The following DENND1A variants were observed in gnomAD, a reference collection of about 807,000 sequenced individuals.
DENND1A encodes the protein DENN domain containing 1A, also known as DENN domain-containing protein 1A.
A neutral mutation model predicts 113.7 loss-of-function variants in DENND1A; 51 were observed. The observed-to-expected ratio is 0.45, with a 90% CI of 0.36 to 0.57. The LOEUF (loss-of-function observed/expected upper bound fraction) is 0.57, where lower values mean the gene tolerates loss of function less well. Among genes scored for constraint, DENND1A ranks in the 20% least tolerant of loss-of-function variants. DENND1A has a pLI of 0.00. For synonymous variants in DENND1A, 565 were observed against 570.8 expected, an observed-to-expected ratio of 0.99 and a Z score of 0.14; for missense variants, 1,258 against 1,395.9, an observed-to-expected ratio of 0.90 and a Z score of 1.57.
intron 5 of DENND1A, among the ~76,000 whole-genome samples, chr9:123,730,639 C>T (rs755281645): frequency 1.4e-4 from 21 of 152,134 alleles, no homozygotes; most frequent in African/African-American, 3.6e-4. Context: ...GAAGTAGGAA[C>T]GCTTTTACTC....
At chr9:123,880,895 T>A (rs985421721) in intron 1 of DENND1A, among the ~76,000 whole-genome samples, 1 of 152,184 alleles carries the variant, frequency 6.6e-6, no homozygotes, top group African/African-American at 2.4e-5. Context: ...ATACCTTAAA[T>A]AAAGGCTTAT....
chr9:123,383,598 C>T lies in DENND1A; in HGVS notation c.2019+57G>A, dbSNP rs2042398429. 1.5e-5 allele frequency: 23 copies of T among 1,569,244 alleles called. No homozygotes were observed. The South Asian group carries it at 2.0e-4, about 14-fold the overall frequency. On this transcript the variant is annotated intron_variant, in intron 23 of 23. Coordinates refer to ENST00000394215, the MANE Select transcript of DENND1A (RefSeq NM_001352964.2). ...CTTCCACTGTCACATGGGGATCCCA[C>T]CTCGTGTGCGGACAGTGCCGGCCCC...
At chr9:123,505,394 C>A (rs1386763942) in intron 13 of DENND1A, among the ~76,000 whole-genome samples, 1 of 152,056 alleles carries the variant, frequency 6.6e-6, no homozygotes, top group African/African-American at 2.4e-5. Context: ...CAATGGATTG[C>A]GAAGTGGGAT....
chr9:123,621,062 G>C (rs76161300), intron 10 of DENND1A, among the ~76,000 whole-genome samples: 27 of 151,840 alleles, frequency 1.8e-4, no homozygotes, highest in African/African-American at 6.3e-4. Flanking sequence ...ACAAAAGCTA[G>C]AAAGCCCAGA....
At position 123,779,710 on chromosome 9, in the gene DENND1A, G is replaced by A. The variant is rs1269374201; in HGVS notation, c.133-10147C>T. Among the ~76,000 whole-genome samples the A allele has an allele frequency of 9.9e-5, 15 of 152,010 alleles. No individual in the cohort carries two copies. In the East Asian group the frequency reaches 2.9e-3, roughly 29 times the overall value. On this transcript the variant is annotated intron_variant, in intron 3 of 23. Transcript: ENST00000394215. ...AGGTGGGGTTTTGCCATGTTGCTCA[G>A]GCTGACCTAGAACTCCTGAACTCAA...
chr9:123,844,324 GAA>G (rs534412297), intron 2 of DENND1A, among the ~76,000 whole-genome samples: 2 of 152,030 alleles, frequency 1.3e-5, no homozygotes, highest in Non-Finnish European at 2.9e-5. Context: ...AAAATCCTAA[GAA>G]ATTCACTAAA....
intron 19 of DENND1A, among the ~76,000 whole-genome samples, chr9:123,425,702 T>C (rs1224269871): frequency 1.3e-5 from 2 of 152,200 alleles, no homozygotes; most frequent in Non-Finnish European, 2.9e-5. Context: ...TCCTTTTCTG[T>C]GGGACAGGGT....
At chr9:123,902,424 T>A (rs974728985) in intron 1 of DENND1A, among the ~76,000 whole-genome samples, 1 of 152,150 alleles carries the variant, frequency 6.6e-6, no homozygotes, top group Non-Finnish European at 1.5e-5. Flanking sequence ...TGCTAGTTAC[T>A]AGGAATTCAA....
intron 13 of DENND1A, among the ~76,000 whole-genome samples, chr9:123,498,942 T>C (rs1192843113): frequency 6.6e-6 from 1 of 151,866 alleles, no homozygotes; most frequent in Non-Finnish European, 1.5e-5. Context: ...AGGCTGGTCT[T>C]GAACTCCTGA....
intron 22 of DENND1A, 137 bp from the exon 23 acceptor site, chr9:123,384,050 C>T (rs903962268): frequency 1.5e-5 from 18 of 1,208,480 alleles, no homozygotes; most frequent in African/African-American, 3.0e-5. Context: ...CCGGGGTCTC[C>T]GTGAGGGCAG....
chr9:123,508,939 T>C (rs1266498096), intron 13 of DENND1A, among the ~76,000 whole-genome samples: 1 of 152,150 alleles, frequency 6.6e-6, no homozygotes, highest in Non-Finnish European at 1.5e-5. Flanking sequence ...CACAGTTTAT[T>C]TAAATACAAA....
At chr9:123,833,396 A>G (rs1381723758) in intron 2 of DENND1A, among the ~76,000 whole-genome samples, 1 of 152,208 alleles carries the variant, frequency 6.6e-6, no homozygotes, top group African/African-American at 2.4e-5. Flanking sequence ...CTGGAAAAAA[A>G]ATCAGAATTT....
intron 21 of DENND1A, among the ~76,000 whole-genome samples, chr9:123,391,761 GAAA>G (rs5900572): frequency 3.3e-4 from 36 of 110,380 alleles, no homozygotes; most frequent in Middle Eastern, 5.1e-3. Flanking sequence ...GGCAGAATAT[GAAA>G]AAAAAAAAAA....
At chr9:123,596,452 G>A (rs2137217760) in intron 11 of DENND1A, among the ~76,000 whole-genome samples, 1 of 152,202 alleles carries the variant, frequency 6.6e-6, no homozygotes, top group South Asian at 2.1e-4. Flanking sequence ...TATCCTCAAA[G>A]CAACCTCTTG....
chr9:123,691,421 A>G (rs2065182746), intron 5 of DENND1A, among the ~76,000 whole-genome samples: 1 of 152,218 alleles, frequency 6.6e-6, no homozygotes, highest in Non-Finnish European at 1.5e-5. Context: ...TGGATGAAAC[A>G]GAAGCACATT....
chr9:123,461,751 G>A (rs922303235), intron 13 of DENND1A, among the ~76,000 whole-genome samples: 1 of 152,212 alleles, frequency 6.6e-6, no homozygotes, highest in Non-Finnish European at 1.5e-5. Context: ...GATATCCCCC[G>A]GACAAGATGT....
intron 1 of DENND1A, among the ~76,000 whole-genome samples, chr9:123,892,394 C>T (rs918585277): frequency 6.6e-6 from 1 of 152,076 alleles, no homozygotes; most frequent in East Asian, 1.9e-4. Flanking sequence ...AAGCAAGACT[C>T]GGAAGGAGCA....
At chr9:123,807,187 G>C (rs953379671) in intron 2 of DENND1A, among the ~76,000 whole-genome samples, 2 of 152,150 alleles carry the variant, frequency 1.3e-5, no homozygotes, top group African/African-American at 4.8e-5. Flanking sequence ...CCATGAGTGA[G>C]TTGTAGGATT....
intron 2 of DENND1A, among the ~76,000 whole-genome samples, chr9:123,795,468 C>T (rs1031579091): frequency 6.6e-6 from 1 of 152,186 alleles, no homozygotes; most frequent in African/African-American, 2.4e-5. Context: ...GCCTTACTAA[C>T]AGTTTCAGCA....
Sources: gnomAD v4.1 joint callset for allele counts (sites outside exome capture counted in the v4.1 genomes callset) on GRCh38, gnomAD v4.1.1 for gene constraint, MANE v1.5 for transcripts, NCBI Gene and HGNC (gene_info 2026-07-23, HGNC 2026-07-21) for gene names.